The following PRKACA variants were observed in gnomAD, a reference collection of about 807,000 sequenced individuals.
PRKACA encodes the protein cAMP-dependent protein kinase catalytic subunit alpha.
A neutral mutation model predicts 45.8 loss-of-function variants in PRKACA; 9 were observed. The ratio of observed to expected loss-of-function variants is 0.20; its 90% CI spans 0.12 to 0.34. PRKACA has a LOEUF of 0.34. Ranked by LOEUF, PRKACA falls within the 10% of genes least tolerant of loss-of-function variation. PRKACA has a pLI of 1.00. For missense variants in PRKACA, 238 were observed against 458.6 expected (o/e 0.52, Z 4.39); for synonymous variants, 160 against 178.6 (o/e 0.90, Z 0.83).
chr19:14,106,355 C>T (rs1977602344), intron 3 of PRKACA, among the ~76,000 whole-genome samples: 1 of 151,622 alleles, frequency 6.6e-6, no homozygotes, highest in South Asian at 2.1e-4. Flanking sequence ...ATCCTGTCCC[C>T]CACAAAAAAA....
chr19:14,106,204 CA>C (rs1275140281), intron 3 of PRKACA, among the ~76,000 whole-genome samples: 2 of 151,810 alleles, frequency 1.3e-5, no homozygotes, highest in Non-Finnish European at 2.9e-5. Context: ...AACAAACAAA[CA>C]ACAAAAAAAA....
chr19:14,094,184 T>TAA (rs1977177932), intron 8 of PRKACA, among the ~76,000 whole-genome samples: 2 of 84,090 alleles, frequency 2.4e-5, no homozygotes, highest in Non-Finnish European at 4.6e-5. Context: ...TTTCTTTTTT[T>TAA]GAAAAAAAAA....
At chr19:14,106,721 CCTGACAGGCAGGCCCT>C (rs776308597) in intron 3 of PRKACA, 23 bp downstream of exon 3, 5 of 1,612,936 alleles carry the variant, frequency 3.1e-6, no homozygotes, top group Middle Eastern at 3.3e-4. Flanking sequence ...CAGGCAAAGG[CCTGACAGGCAGGCCCT>C]GAGCGAGGAC....
rs41296292 is a variant in PRKACA, at chr19:14,097,985, T to C, written c.420-95A>G. The stretch of plus-strand genomic sequence containing the variant: ...AGAGCCTACCCCAGAGGAAGACACC[T>C]CCAGTCCAGCCGTCAGAAACGCAAG... On this transcript the variant is annotated intron_variant, in intron 5 of 9. Coordinates refer to ENST00000308677, the MANE Select transcript of PRKACA (RefSeq NM_002730.4). This position sits in a 1 kb window ranked among gnomAD's most constrained non-coding sequence, Gnocchi z 5.4. 1.8e-3 allele frequency: 2,774 copies of C among 1,501,154 alleles called. 6 individuals carry two copies. The highest frequency in any genetic ancestry group is 2.0e-3 in the Non-Finnish European group (2,171 of 1,100,502). The allele number at this position is 1,501,154 out of a possible 1,614,324, so 93.0% of individuals were successfully genotyped here. A position where few individuals can be genotyped will look rare whatever the true frequency, so the allele number is the denominator to read the frequency against.
At chr19:14,112,519 A>C (rs1966994678) in intron 1 of PRKACA, 1 of 152,278 alleles carries the variant, frequency 6.6e-6, no homozygotes, top group South Asian at 2.1e-4. Context: ...CCTTTTGCTG[A>C]GAAACCAGGA....
At chr19:14,102,457 G>GC (rs919792320) in intron 4 of PRKACA, among the ~76,000 whole-genome samples, 3 of 152,288 alleles carry the variant, frequency 2.0e-5, no homozygotes, top group Admixed American at 6.5e-5. Context: ...TAAGTCTCTT[G>GC]CCCGGGGCCA....
At chr19:14,113,115 C>T (rs2144493661) in intron 1 of PRKACA, among the ~76,000 whole-genome samples, 1 of 151,976 alleles carries the variant, frequency 6.6e-6, no homozygotes, top group South Asian at 2.1e-4. Flanking sequence ...AAAGGCATCC[C>T]GGGATGTCCT....
chr19:14,114,043 G>T, intron 1 of PRKACA: 16 of 1,414,188 alleles, frequency 1.1e-5, no homozygotes, highest in Non-Finnish European at 1.6e-5. Flanking sequence ...TCTTCTCTTC[G>T]CCTGTGCCCC....
chr19:14,094,473 G>A (rs1977187736), intron 8 of PRKACA, among the ~76,000 whole-genome samples: 1 of 152,250 alleles, frequency 6.6e-6, no homozygotes, highest in East Asian at 1.9e-4. Context: ...ACAGGTGTGA[G>A]CCACCGTGCC....
intron 4 of PRKACA, among the ~76,000 whole-genome samples, 168 bp downstream of exon 4, chr19:14,102,648 C>T (rs1187988817): frequency 6.6e-6 from 1 of 152,156 alleles, no homozygotes; most frequent in African/African-American, 2.4e-5. Flanking sequence ...CTTGGGTCTA[C>T]CAGAGTCCCA....
At chr19:14,099,712 G>A (rs910647898) in intron 5 of PRKACA, among the ~76,000 whole-genome samples, 2 of 151,322 alleles carry the variant, frequency 1.3e-5, no homozygotes, top group African/African-American at 4.9e-5. Flanking sequence ...TATAGGGCAT[G>A]AGCCACAGTA....
At chr19:14,100,184 C>T (rs549102558) in intron 5 of PRKACA, among the ~76,000 whole-genome samples, 1 of 152,038 alleles carries the variant, frequency 6.6e-6, no homozygotes, top group Non-Finnish European at 1.5e-5. Context: ...ACTATGCAGC[C>T]CAGGCTGGTC....
In PRKACA at chr19:14,094,138, A is replaced by G. The variant is rs182866935; in HGVS notation, c.766-346T>C. Among the ~76,000 whole-genome samples the G allele has an allele frequency of 2.7e-3, 392 of 144,292 alleles. 3 individuals are homozygous for G. Among genetic ancestry groups the G allele is most frequent in the Non-Finnish European group, 2.8e-3 (186 of 66,280 alleles). The allele number at this position is 144,292 out of a possible 152,430, so 94.7% of individuals were successfully genotyped here. On this transcript the variant is annotated intron_variant, in intron 8 of 9. Transcript: ENST00000308677. The stretch of plus-strand genomic sequence containing the variant: ...TTTGGCCTCCCAAAGTGCTAGGATT[A>G]TAGGCGTGAGCCACCACACCCAGCA...
At position 14,107,591 on chromosome 19, in the gene PRKACA, G is replaced by A. The variant is rs1977650949; in HGVS notation, c.47-182C>T. ...CCTGGGCCTCCCTTGCTACAGAGAG[G>A]TGGGATCCAGCTGCCACTCCATCCA... is the stretch of plus-strand genomic sequence containing the variant. On this transcript the variant is annotated intron_variant, in intron 1 of 9. Transcript: ENST00000308677. 3.1e-6 allele frequency: 4 copies of A among 1,301,460 alleles called. No homozygotes were observed. The South Asian group carries it at 4.5e-5, about 15-fold the overall frequency. The allele number at this position is 1,301,460 out of a possible 1,614,324, so 80.6% of individuals were successfully genotyped here.
At chr19:14,099,057 C>T (rs1027456677) in intron 5 of PRKACA, among the ~76,000 whole-genome samples, 43 of 150,526 alleles carry the variant, frequency 2.9e-4, no homozygotes, top group Non-Finnish European at 5.0e-4. Flanking sequence ...GAGGCCAAGG[C>T]GGGGGGGGCG....
chr19:14,111,225 C>G (rs1318924667), intron 1 of PRKACA, among the ~76,000 whole-genome samples: 1 of 152,172 alleles, frequency 6.6e-6, no homozygotes. Context: ...TGGAGAAACC[C>G]TGTCTCTACT....
In PRKACA at chr19:14,097,211, T is replaced by C; in HGVS notation, c.765+150A>G. 1.6e-6 allele frequency: 2 copies of C among 1,245,638 alleles called. No individual in the cohort carries two copies. Among genetic ancestry groups the C allele is most frequent in the South Asian group, 2.6e-5 (2 of 77,586 alleles). The allele number at this position is 1,245,638 out of a possible 1,614,324, so 77.2% of individuals were successfully genotyped here. ...AGGGGGCTTGAGGTGTTGGCCTCAG[T>C]GTGGCCGGCGCGTCCAGCTTCACCA... On this transcript the variant is annotated intron_variant, in intron 8 of 9. Coordinates refer to ENST00000308677, the MANE Select transcript of PRKACA (RefSeq NM_002730.4). This position sits in a 1 kb window ranked among gnomAD's most constrained non-coding sequence, Gnocchi z 5.4.
At chr19:14,105,174 A>G (rs1355706743) in intron 3 of PRKACA, among the ~76,000 whole-genome samples, 2 of 152,186 alleles carry the variant, frequency 1.3e-5, no homozygotes, top group Non-Finnish European at 2.9e-5. Context: ...TCACATTGAT[A>G]ATATATGGAA....
chr19:14,104,861 G>A (rs930802255), intron 3 of PRKACA, among the ~76,000 whole-genome samples: 13 of 152,058 alleles, frequency 8.5e-5, no homozygotes, highest in Admixed American at 3.9e-4. Context: ...CAACAAGAGC[G>A]AAACTCCATC....
Sources: gnomAD v4.1 joint callset for allele counts (sites outside exome capture counted in the v4.1 genomes callset) on GRCh38, gnomAD v4.1.1 for gene constraint, Gnocchi (gnomAD v3.1) non-coding constraint, MANE v1.5 for transcripts, NCBI Gene and HGNC (gene_info 2026-07-23, HGNC 2026-07-21) for gene names.